CAMTA1: variants seen among roughly 807,000 people sequenced by gnomAD.
CAMTA1 encodes calmodulin binding transcription activator 1, also known as calmodulin-binding transcription activator 1.
CAMTA1 carries 27 observed loss-of-function variants against 170.9 expected under a neutral mutation model. The observed-to-expected ratio is 0.16, with a 90% confidence interval of 0.12 to 0.22. The LOEUF (loss-of-function observed/expected upper bound fraction) is 0.22. CAMTA1 is among the 10% of genes least tolerant of loss of function. CAMTA1 has a pLI of 1.00. For missense variants in CAMTA1, 1,619 were observed against 2,217.2 expected (o/e 0.73, Z 5.42); for synonymous variants, 833 against 891.5 (o/e 0.93, Z 1.17).
chr1:7,170,799 A>G (rs938959865), intron 4 of CAMTA1, among the ~76,000 whole-genome samples: 1 of 152,052 alleles, frequency 6.6e-6, no homozygotes, highest in Non-Finnish European at 1.5e-5. Context: ...TCTTTTTGTT[A>G]ACTGATTTCT....
chr1:7,160,684 T>A (rs1157174265), intron 4 of CAMTA1, among the ~76,000 whole-genome samples: 1 of 152,224 alleles, frequency 6.6e-6, no homozygotes, highest in African/African-American at 2.4e-5. Context: ...TCTATTTTTA[T>A]GGATTTTGTT....
chr1:7,568,007 C>G lies in CAMTA1; in HGVS notation c.511-72393C>G, dbSNP rs534343995. On this transcript the variant is annotated intron_variant, in intron 6 of 22. Transcript: ENST00000303635. ...ATTAAGTGAGTTAATAAATAGCATG[C>G]TCATAGAATATTGCCTGACAGATAT... is the stretch of plus-strand genomic sequence containing the variant. Among the ~76,000 whole-genome samples, 9 of 152,280 alleles carry G rather than the reference C, an allele frequency of 5.9e-5. No homozygotes were observed. The South Asian group carries it at 1.2e-3, about 21-fold the overall frequency.
At chr1:7,575,427 C>T (rs987874193) in intron 6 of CAMTA1, among the ~76,000 whole-genome samples, 2 of 152,194 alleles carry the variant, frequency 1.3e-5, no homozygotes, top group Non-Finnish European at 2.9e-5. Context: ...AAGCTAAGTT[C>T]CTCCTGTTTC....
chr1:6,888,340 C>A, intron 3 of CAMTA1: 1 of 755,030 alleles, frequency 1.3e-6, no homozygotes, highest in Non-Finnish European at 1.6e-6. Flanking sequence ...TAACTGGAAG[C>A]CTAGTTCAGG....
chr1:7,603,083 G>A (rs1244490826), intron 6 of CAMTA1, among the ~76,000 whole-genome samples: 10 of 152,196 alleles, frequency 6.6e-5, no homozygotes, highest in African/African-American at 2.4e-4. Flanking sequence ...TACATTTGCT[G>A]AGGAGTGCTT....
rs1425927026 is a variant in CAMTA1 at position 7,249,418 on chromosome 1, T to C, written c.303-73T>C. 3 of 1,389,354 alleles carry C rather than the reference T, an allele frequency of 2.2e-6. No individual in the cohort carries two copies. Among genetic ancestry groups the C allele is most frequent in the Non-Finnish European group, 2.0e-6 (2 of 1,009,002 alleles). The allele number at this position is 1,389,354 out of a possible 1,614,324, so 86.1% of individuals were successfully genotyped here. ...GCTTTTCTGTAGAGACTTTTACTGG[T>C]CGATGATATCTTTCTTCATAAATTT... is the stretch of plus-strand genomic sequence containing the variant. On this transcript the variant is annotated intron_variant, in intron 4 of 22. Transcript: ENST00000303635. This position sits in a 1 kb window ranked among gnomAD's most constrained non-coding sequence, Gnocchi z 4.4.
intron 6 of CAMTA1, among the ~76,000 whole-genome samples, chr1:7,590,070 A>G (rs2095343658): frequency 6.6e-6 from 1 of 152,094 alleles, no homozygotes; most frequent in South Asian, 2.1e-4. Flanking sequence ...CTGAGTTTGG[A>G]TCCTTTTCCT....
chr1:7,715,210 A>G (rs1463950878), intron 11 of CAMTA1, among the ~76,000 whole-genome samples: 1 of 152,138 alleles, frequency 6.6e-6, no homozygotes, highest in Non-Finnish European at 1.5e-5. Flanking sequence ...AATCAGGAAA[A>G]GGGGGGAAGA....
At chr1:7,411,209 C>T (rs1430598201) in intron 5 of CAMTA1, among the ~76,000 whole-genome samples, 1 of 152,242 alleles carries the variant, frequency 6.6e-6, no homozygotes, top group East Asian at 1.9e-4. Flanking sequence ...GGAGGGGCCG[C>T]GTCGGACCCT....
intron 3 of CAMTA1, among the ~76,000 whole-genome samples, chr1:6,898,898 G>C (rs1001150192): frequency 1.3e-5 from 2 of 150,616 alleles, no homozygotes; most frequent in African/African-American, 2.5e-5. Flanking sequence ...TATTTTGTTT[G>C]ATTTTTTTTT....
intron 3 of CAMTA1, among the ~76,000 whole-genome samples, chr1:7,069,631 C>T (rs954232015): frequency 1.3e-5 from 2 of 151,976 alleles, no homozygotes; most frequent in African/African-American, 4.8e-5. Context: ...TAGTGGGGTG[C>T]CCGTGAGGGG....
rs150856394 is a variant in CAMTA1 at position 7,464,904 on chromosome 1, C to A, written c.439-2926C>A. On this transcript the variant is annotated intron_variant, in intron 5 of 22. Coordinates refer to ENST00000303635, the MANE Select transcript of CAMTA1 (RefSeq NM_015215.4). Reference sequence around the variant, plus strand: ...TCACACATCTCCCACCCCAGGCAGGCTCCACCTCTCGCCGAGGCCCTCACA... The same window carrying A: ...TCACACATCTCCCACCCCAGGCAGGATCCACCTCTCGCCGAGGCCCTCACA... Among the ~76,000 whole-genome samples, 95 of 152,220 alleles carry A rather than the reference C, an allele frequency of 6.2e-4. No homozygotes were observed. In the East Asian group the frequency reaches 0.014, roughly 23 times the overall value.
intron 6 of CAMTA1, among the ~76,000 whole-genome samples, chr1:7,502,624 G>T (rs549367937): frequency 6.6e-6 from 1 of 152,288 alleles, no homozygotes; most frequent in South Asian, 2.1e-4. Flanking sequence ...CCAGGTCGAG[G>T]AGTGGGGGGG....
At chr1:7,740,429 C>T (rs1469583231) in intron 16 of CAMTA1, among the ~76,000 whole-genome samples, 2 of 152,192 alleles carry the variant, frequency 1.3e-5, no homozygotes, top group African/African-American at 4.8e-5. Flanking sequence ...CTGATGGAAC[C>T]CACACCAGAC....
intron 6 of CAMTA1, among the ~76,000 whole-genome samples, chr1:7,479,484 G>A (rs182564668): frequency 9.7e-4 from 148 of 152,278 alleles, no homozygotes; most frequent in African/African-American, 3.3e-3. Context: ...TCTTTTTCCA[G>A]ACATGCCAGG....
intron 6 of CAMTA1, among the ~76,000 whole-genome samples, chr1:7,531,615 G>T (rs572944402): frequency 1.3e-5 from 2 of 152,198 alleles, no homozygotes; most frequent in Non-Finnish European, 2.9e-5. Flanking sequence ...AAGTGTGCCC[G>T]GATCCCCTAG....
chr1:7,638,696 C>T (rs893535473), intron 6 of CAMTA1, among the ~76,000 whole-genome samples: 6 of 152,094 alleles, frequency 3.9e-5, no homozygotes, highest in Non-Finnish European at 8.8e-5. Flanking sequence ...GAGGGTTTAG[C>T]TAGGCTTTTC....
chr1:7,656,439 G>A (rs1037062893), intron 7 of CAMTA1, among the ~76,000 whole-genome samples: 2 of 152,238 alleles, frequency 1.3e-5, no homozygotes, highest in African/African-American at 4.8e-5. Flanking sequence ...CTGGGATAGG[G>A]TCCCACCCAT....
chr1:7,758,928 C>CT (rs1376194842), intron 22 of CAMTA1, among the ~76,000 whole-genome samples: 1 of 76,914 alleles, frequency 1.3e-5, no homozygotes, highest in East Asian at 3.6e-4. Flanking sequence ...GAGCGAGACT[C>CT]TGTCTCAAAA....
Sources: allele counts gnomAD v4.1 joint callset (sites outside exome capture counted in the v4.1 genomes callset), GRCh38; gene constraint gnomAD v4.1.1; non-coding constraint Gnocchi (gnomAD v3.1); transcripts MANE v1.5; gene names NCBI Gene and HGNC (gene_info 2026-07-23, HGNC 2026-07-21).